Variants in GPS1 observed in about 807,000 individuals in gnomAD.
GPS1 encodes the protein G protein pathway suppressor 1, also known as COP9 signalosome complex subunit 1.
Under a neutral mutation model 60.0 loss-of-function variants are expected in GPS1, and 11 were observed. The ratio of observed to expected loss-of-function variants is 0.18; its 90% CI spans 0.12 to 0.30. The LOEUF (loss-of-function observed/expected upper bound fraction) is 0.30. Ranked by LOEUF, GPS1 falls within the 10% of genes least tolerant of loss-of-function variation. The pLI is 1.00. For synonymous variants in GPS1, 343 were observed against 269.8 expected (o/e 1.27, Z -2.66); for missense variants, 543 against 669.2 (o/e 0.81, Z 2.08).
intron 1 of GPS1, chr17:82,052,725 C>G (rs555511017): frequency 1.2e-5 from 6 of 499,498 alleles, no homozygotes; most frequent in Admixed American, 9.7e-5. Flanking sequence ...AAGCCGAGGT[C>G]CTGGCTTCTC....
intron 4 of GPS1, 27 bp downstream of exon 4, chr17:82,054,837 G>C: frequency 6.3e-7 from 1 of 1,576,526 alleles, no homozygotes; most frequent in Non-Finnish European, 8.6e-7. Context: ...GGGCGGGGGT[G>C]GGCAGCATGG....
chr17:82,055,793 C>G lies in GPS1; in HGVS notation c.802C>G (p.Leu268Val). ...KYKQAAKCLL[L>V]ASFDHCDFPE... The stretch of plus-strand genomic sequence containing the variant: ...CAAGCAGGCTGCCAAGTGCCTCCTG[C>G]TGGCTTCCTTTGATCACTGTGACTT... The change falls in exon 7 of 13, where the codon CTG becomes GTG. Residue 268 changes from leucine (L) to valine (V), a missense_variant. By Grantham distance (32) the Leu-to-Val change is conservative (BLOSUM62 1). Around this residue, in one of 3 missense-constraint regions of GPS1, gnomAD observed 291 missense variants for 353.7 expected, o/e 0.82. Coordinates refer to ENST00000578552, the MANE Select transcript of GPS1 (RefSeq NM_001321092.3). 1.3e-6 allele frequency: 2 copies of G among 1,564,896 alleles called. No homozygotes were observed. Among genetic ancestry groups the G allele is most frequent in the African/African-American group, 1.4e-5 (1 of 74,024 alleles).
chr17:82,051,072 C>A, upstream of GPS1: 1 of 1,366,916 alleles, frequency 7.3e-7, no homozygotes, highest in Non-Finnish European at 9.4e-7. The surrounding 1 kb of genome is among the most constrained non-coding windows in gnomAD (Gnocchi z 4.1). Flanking sequence ...ACTAGCCCCA[C>A]GCCCCGGGAA....
At chr17:82,055,098 G>A (rs1222828695) in intron 5 of GPS1, 64 bp from the exon 6 acceptor site, 3 of 1,569,584 alleles carry the variant, frequency 1.9e-6, no homozygotes, top group Middle Eastern at 1.7e-4. Flanking sequence ...TCAGTCTGGG[G>A]GCTGGGCATC....
upstream of GPS1, chr17:82,051,154 C>T (rs977036470): frequency 2.4e-5 from 32 of 1,310,338 alleles, no homozygotes; most frequent in South Asian, 5.5e-4. The surrounding 1 kb of genome is among the most constrained non-coding windows in gnomAD (Gnocchi z 4.1). Context: ...GCCGCGTGAC[C>T]TGGGCAGCGT....
chr17:82,055,093 C>G lies in GPS1; in HGVS notation c.688-69C>G, dbSNP rs554571345. 130 of 1,568,240 alleles carry G rather than the reference C, an allele frequency of 8.3e-5. No individual in the cohort carries two copies. In the African/African-American group the frequency reaches 1.6e-3, roughly 19 times the overall value. ...GAATCTGCCTTCATCCCCTCTCAGT[C>G]TGGGGGCTGGGCATCGAGCTCTAGG... On this transcript the variant is annotated intron_variant, in intron 5 of 12. Transcript: ENST00000578552.
At chr17:82,052,364 A>C in intron 1 of GPS1, 1 of 1,612,448 alleles carries the variant, frequency 6.2e-7, no homozygotes, top group South Asian at 1.1e-5. Flanking sequence ...TCTGTACTGC[A>C]CCCCTCACAG....
At chr17:82,055,051 C>T (rs1386701732) in intron 5 of GPS1, 76 bp downstream of exon 5, 3 of 1,591,130 alleles carry the variant, frequency 1.9e-6, no homozygotes, top group African/African-American at 2.7e-5. Context: ...TCCCCCACCT[C>T]ATTCTCCCCC....
rs1361191315 is a variant in GPS1, at chr17:82,056,018, C to T, written c.852C>T (p.Asn284=). The change falls in exon 8 of 13, where the codon AAC becomes AAT. Residue 284 remains asparagine (N), a synonymous_variant. Coordinates refer to ENST00000578552, the MANE Select transcript of GPS1 (RefSeq NM_001321092.3). ...CDFPELLSPS[N]VAIYGGLCAL... ...CTCCTCAGCTGCTGTCCCCCAGCAA[C>T]GTGGCCATCTACGGTGGCCTGTGCG... is the stretch of plus-strand genomic sequence containing the variant. 15 of 1,611,244 alleles carry T rather than the reference C, an allele frequency of 9.3e-6. No homozygotes were observed. The highest frequency in any genetic ancestry group is 1.6e-4 in the Middle Eastern group (1 of 6,082).
chr17:82,051,125 C>T, upstream of GPS1: 1 of 1,328,396 alleles, frequency 7.5e-7, no homozygotes, highest in Non-Finnish European at 9.6e-7. The surrounding 1 kb of genome is among the most constrained non-coding windows in gnomAD (Gnocchi z 4.1). Flanking sequence ...GCTTGGCTGG[C>T]AGGGTGGGCC....
At chr17:82,052,402 C>T in intron 1 of GPS1, 1 of 1,611,710 alleles carries the variant, frequency 6.2e-7, no homozygotes, top group Non-Finnish European at 8.5e-7. Flanking sequence ...TCCTGCCCGG[C>T]ACGGCCGGGG....
At chr17:82,052,412 G>T in intron 1 of GPS1, 4 of 1,611,544 alleles carry the variant, frequency 2.5e-6, no homozygotes, top group South Asian at 1.1e-5. Context: ...CACGGCCGGG[G>T]ACTTCAGCCT....
In GPS1 at chr17:82,054,639, G is replaced by A. The variant is rs765226186; in HGVS notation, c.438G>A (p.Lys146=). ...TGGAGAAGCTGGACACAGACCTGAA[G>A]AACTACAAGGGCAACTCCATCAAAG... The part of the protein sequence containing the change: ...LKLEKLDTDL[K]NYKGNSIKES... Residue 146 remains lysine (K), a synonymous_variant, in exon 4 of 13, where the codon AAG becomes AAA. Transcript: ENST00000578552. 2.2e-5 allele frequency: 36 copies of A among 1,610,212 alleles called. No homozygotes were observed. The highest frequency in any genetic ancestry group is 2.7e-5 in the Non-Finnish European group (32 of 1,179,718).
chr17:82,053,155 T>C, intron 1 of GPS1, 119 bp from the exon 2 acceptor site: 1 of 688,360 alleles, frequency 1.5e-6, no homozygotes, highest in Non-Finnish European at 2.1e-6. Context: ...GCGGCGGGAG[T>C]GTGGTCCGAC....
chr17:82,054,103 G>A (rs2031878975), intron 3 of GPS1, 54 bp downstream of exon 3: 1 of 1,525,926 alleles, frequency 6.6e-7, no homozygotes, highest in African/African-American at 1.4e-5. Flanking sequence ...GAGCGCGGGT[G>A]TCTGGGACTG....
At position 82,054,577 on chromosome 17, in the gene GPS1, T is replaced by A; in HGVS notation, c.376T>A (p.Trp126Arg). The A allele has an allele frequency of 6.2e-7, 1 of 1,600,546 alleles. No individual in the cohort carries two copies. The highest frequency in any genetic ancestry group is 8.5e-7 in the Non-Finnish European group (1 of 1,174,906). Reference protein sequence around the residue: ...GVEPPALDTAWVEATRKKALL... With the variant: ...GVEPPALDTARVEATRKKALL... ...GGAGCCCCCAGCCCTGGACACGGCC[T>A]GGGTGGAGGCCACGCGGAAGAAGGC... Residue 126 changes from tryptophan to arginine, a missense_variant, in exon 4 of 13, where the codon TGG becomes AGG. Around this residue, in one of 3 missense-constraint regions of GPS1, gnomAD observed 181 missense variants for 188.8 expected, o/e 0.96. Transcript: ENST00000578552.
At chr17:82,052,240 C>CT in intron 1 of GPS1, 2 of 1,600,620 alleles carry the variant, frequency 1.2e-6, no homozygotes, top group Non-Finnish European at 1.7e-6. Context: ...GACGCTAACG[C>CT]TCTTTCTCCC....
chr17:82,052,414 C>T (rs1474360160), intron 1 of GPS1: 1 of 1,611,590 alleles, frequency 6.2e-7, no homozygotes, highest in Admixed American at 1.7e-5. Context: ...CGGCCGGGGA[C>T]TTCAGCCTGA....
At chr17:82,053,651 A>G in intron 2 of GPS1, 1 of 569,506 alleles carries the variant, frequency 1.8e-6, no homozygotes, top group Non-Finnish European at 3.0e-6. Context: ...CCCCGGGTGC[A>G]GGGTCCCACT....
Sources: gnomAD v4.1 joint callset for allele counts on GRCh38, gnomAD v4.1.1 for gene constraint, gnomAD v4.1.1 regional missense constraint, Gnocchi (gnomAD v3.1) non-coding constraint, MANE v1.5 for transcripts, NCBI Gene and HGNC (gene_info 2026-07-23, HGNC 2026-07-21) for gene names.